The following STXBP4 variants were observed in gnomAD, a reference collection of about 807,000 sequenced individuals.
The protein encoded by STXBP4 is syntaxin-binding protein 4.
STXBP4 carries 55 observed loss-of-function variants against 76.1 expected under a neutral mutation model. The observed-to-expected ratio is 0.72, with a 90% CI of 0.58 to 0.91. The LOEUF is 0.91. Ranked by LOEUF, STXBP4 falls within the 40% of genes least tolerant of loss-of-function variation. The pLI, the probability that STXBP4 is intolerant of heterozygous loss-of-function variation, is 0.00. For synonymous variants in STXBP4, 201 were observed against 220.2 expected, an observed-to-expected ratio of 0.91 and a Z score of 0.77; for missense variants, 618 against 636.9, an observed-to-expected ratio of 0.97 and a Z score of 0.32.
intron 16 of STXBP4, among the ~76,000 whole-genome samples, chr17:55,118,546 G>C (rs1036699006): frequency 2.1e-5 from 3 of 143,308 alleles, no homozygotes; most frequent in Admixed American, 7.1e-5. Flanking sequence ...TACCAGTCTG[G>C]AGTCAAAAGA....
chr17:55,030,060 T>A (rs2144672998), intron 8 of STXBP4, among the ~76,000 whole-genome samples: 1 of 152,316 alleles, frequency 6.6e-6, no homozygotes, highest in Non-Finnish European at 1.5e-5. Flanking sequence ...GACATCCAAT[T>A]AGTCCCTTTG....
chr17:55,147,991 A>G (rs1210578013), intron 17 of STXBP4, among the ~76,000 whole-genome samples: 1 of 152,222 alleles, frequency 6.6e-6, no homozygotes. Flanking sequence ...GCCATGATGA[A>G]CAGTAATGAT....
At chr17:54,969,739 A>C (rs2077359649) in intron 1 of STXBP4, among the ~76,000 whole-genome samples, 1 of 152,210 alleles carries the variant, frequency 6.6e-6, no homozygotes, top group Non-Finnish European at 1.5e-5. Context: ...TTAACTAGTC[A>C]TTCGACATTT....
intron 16 of STXBP4, among the ~76,000 whole-genome samples, chr17:55,094,183 A>G (rs985968893): frequency 2.7e-5 from 4 of 149,952 alleles, no homozygotes; most frequent in African/African-American, 9.9e-5. Flanking sequence ...AAAAAAAAAA[A>G]GCCAGTGTAT....
chr17:55,031,090 G>A (rs2078500751), intron 8 of STXBP4, 78 bp from the exon 9 acceptor site: 1 of 1,080,296 alleles, frequency 9.3e-7, no homozygotes, highest in Non-Finnish European at 1.4e-6. Flanking sequence ...ATTTTCCCTG[G>A]GTTGTAAAGT....
At chr17:55,060,951 C>T (rs1222160472) in intron 12 of STXBP4, among the ~76,000 whole-genome samples, 5 of 152,210 alleles carry the variant, frequency 3.3e-5, no homozygotes, top group Non-Finnish European at 2.9e-5. Context: ...TTTAGCTTGT[C>T]TGAACCAGTC....
chr17:55,078,212 A>G lies in STXBP4; in HGVS notation c.1305+18A>G. The G allele has an allele frequency of 6.6e-7, 1 of 1,504,256 alleles. No individual in the cohort carries two copies. The highest frequency in any genetic ancestry group is 9.2e-7 in the Non-Finnish European group (1 of 1,090,822). 93.2% of individuals were successfully genotyped at this position (1,504,256 alleles called of 1,614,324 possible). A position where few individuals can be genotyped will look rare whatever the true frequency, so the allele number is the denominator to read the frequency against. ...TTGTAGAGGTAAGTTTTTCTGTTCT[A>G]TTACATTCATCTTTAAAAAATATAT... On this transcript the variant is annotated intron_variant, in intron 14 of 17. Transcript: ENST00000376352.
At chr17:54,984,904 T>TA (rs57376227) in intron 1 of STXBP4, among the ~76,000 whole-genome samples, 47,441 of 151,878 alleles carry the variant, frequency 0.31, 7,758 homozygotes, top group African/African-American at 0.38. Context: ...ATCTTTTTTT[T>TA]ATCTTCCAAA....
downstream of STXBP4, chr17:55,173,712 A>G (rs973420605): frequency 5.9e-5 from 9 of 152,202 alleles, no homozygotes; most frequent in African/African-American, 2.2e-4. Flanking sequence ...ATTTTGTGAT[A>G]TATATGTTTT....
chr17:54,980,625 C>A (rs1375473453), intron 1 of STXBP4, among the ~76,000 whole-genome samples: 1 of 152,204 alleles, frequency 6.6e-6, no homozygotes, highest in Non-Finnish European at 1.5e-5. Flanking sequence ...GAGTGGCCTG[C>A]AGCTAATCAG....
chr17:54,971,783 TTTTTTA>T (rs57706726), intron 1 of STXBP4, among the ~76,000 whole-genome samples: 5 of 151,852 alleles, frequency 3.3e-5, no homozygotes, highest in South Asian at 2.1e-4. Flanking sequence ...TTTTCTTTCC[TTTTTTA>T]TTTTTATTTT....
chr17:55,029,022 A>G (rs1469798149), intron 8 of STXBP4, among the ~76,000 whole-genome samples: 2 of 151,338 alleles, frequency 1.3e-5, no homozygotes, highest in Non-Finnish European at 2.9e-5. Context: ...ACATTTTTAC[A>G]AAGAGACATG....
At chr17:54,987,435 G>C (rs897816032) in intron 3 of STXBP4, among the ~76,000 whole-genome samples, 1 of 152,126 alleles carries the variant, frequency 6.6e-6, no homozygotes, top group African/African-American at 2.4e-5. Flanking sequence ...CATGTATACT[G>C]TTTTGACCTT....
At chr17:54,969,361 G>T (rs1180072092) in intron 1 of STXBP4, among the ~76,000 whole-genome samples, 1 of 152,176 alleles carries the variant, frequency 6.6e-6, no homozygotes, top group African/African-American at 2.4e-5. Context: ...GAACTCGAGG[G>T]GGGCAGACAG....
intron 8 of STXBP4, among the ~76,000 whole-genome samples, chr17:55,022,300 TA>T (rs1317808401): frequency 2.1e-5 from 3 of 143,516 alleles, no homozygotes; most frequent in African/African-American, 5.0e-5. Flanking sequence ...TACTTTCTGT[TA>T]TTTTTTTTTT....
intron 1 of STXBP4, among the ~76,000 whole-genome samples, chr17:54,969,173 C>G (rs1009957569): frequency 6.6e-6 from 1 of 152,190 alleles, no homozygotes; most frequent in African/African-American, 2.4e-5. Context: ...TTCCCCTGCT[C>G]TGATGCCCCT....
rs183558204 is a variant in STXBP4, at chr17:55,141,165, A to C, written c.1490-145A>C. 7.6e-6 allele frequency: 5 copies of C among 657,148 alleles called. No homozygotes were observed. In the Admixed American group the frequency reaches 1.5e-4, roughly 20 times the overall value. 40.7% of individuals were successfully genotyped at this position (657,148 alleles called of 1,614,324 possible). On this transcript the variant is annotated intron_variant, in intron 16 of 17. Transcript: ENST00000376352. ...ATGCTGAGTATGAAAGCTCATCTGA[A>C]TTGTCTTAATTCCCCCTTTCTAGAA...
intron 8 of STXBP4, among the ~76,000 whole-genome samples, chr17:55,020,560 G>T (rs1410256656): frequency 6.6e-6 from 1 of 152,088 alleles, no homozygotes; most frequent in Admixed American, 6.6e-5. Flanking sequence ...GCTCACACCT[G>T]TAATCTCAGC....
chr17:55,179,900 A>G, the STXBP4 span, among the ~76,000 whole-genome samples: 3 of 152,116 alleles, frequency 2.0e-5, no homozygotes, highest in African/African-American at 7.2e-5. Flanking sequence ...CGAGATTGGC[A>G]CCCCTAACAC....
Sources: gnomAD v4.1 joint callset for allele counts (sites outside exome capture counted in the v4.1 genomes callset) on GRCh38, gnomAD v4.1.1 for gene constraint, MANE v1.5 for transcripts, NCBI Gene and HGNC (gene_info 2026-07-23, HGNC 2026-07-21) for gene names.